The following ROBO2 variants were observed in gnomAD, a reference collection of about 807,000 sequenced individuals.
ROBO2 encodes the protein roundabout homolog 2.
ROBO2 carries 53 observed loss-of-function variants against 160.8 expected under a neutral mutation model. The observed-to-expected ratio is 0.33, with a 90% CI of 0.26 to 0.41. ROBO2 has a LOEUF of 0.41. Among genes scored for constraint, ROBO2 ranks in the 10% least tolerant of loss-of-function variants. The pLI is 1.00. For synonymous variants in ROBO2, 664 were observed against 611.7 expected (o/e 1.09, Z -1.26); for missense variants, 1,577 against 1,722.4 (o/e 0.92, Z 1.49).
chr3:76,250,649 G>A (rs139492374), intron 2 of ROBO2, among the ~76,000 whole-genome samples: 1,766 of 152,088 alleles, frequency 0.012, 33 homozygotes, highest in African/African-American at 0.04. Context: ...AATGAATGAC[G>A]TAGGAATGCT....
chr3:77,581,324 T>C (rs1459885756), intron 16 of ROBO2, among the ~76,000 whole-genome samples: 2 of 152,136 alleles, frequency 1.3e-5, no homozygotes, highest in African/African-American at 4.8e-5. Flanking sequence ...TACATTTTAA[T>C]GAAGTACAAT....
chr3:76,024,246 A>G (rs892099038), intron 2 of ROBO2, among the ~76,000 whole-genome samples: 1 of 151,552 alleles, frequency 6.6e-6, no homozygotes, highest in African/African-American at 2.4e-5. Context: ...TAAATCGATT[A>G]TACTTTAAAA....
chr3:75,987,294 T>C (rs1044917336), intron 2 of ROBO2, among the ~76,000 whole-genome samples: 12 of 152,012 alleles, frequency 7.9e-5, no homozygotes, highest in African/African-American at 2.9e-4. Flanking sequence ...TTTCATTCTT[T>C]TTGATGCTAT....
chr3:76,304,203 A>G (rs948580033), intron 2 of ROBO2, among the ~76,000 whole-genome samples: 1 of 152,220 alleles, frequency 6.6e-6, no homozygotes, highest in Non-Finnish European at 1.5e-5. Context: ...AAAACAAGCA[A>G]TGTTTCTCTT....
At chr3:77,262,262 A>G (rs1284800633) in intron 2 of ROBO2, among the ~76,000 whole-genome samples, 4 of 152,186 alleles carry the variant, frequency 2.6e-5, no homozygotes, top group Non-Finnish European at 5.9e-5. Flanking sequence ...TTGGAAACAC[A>G]TCAGAGGAGC....
intron 2 of ROBO2, among the ~76,000 whole-genome samples, chr3:76,847,840 G>A (rs2068920720): frequency 6.6e-6 from 1 of 151,970 alleles, no homozygotes; most frequent in South Asian, 2.1e-4. Flanking sequence ...TTCTTAGCAA[G>A]AATTGTAATT....
chr3:76,933,480 T>C (rs1270042869), intron 2 of ROBO2, among the ~76,000 whole-genome samples: 3 of 152,224 alleles, frequency 2.0e-5, no homozygotes, highest in African/African-American at 7.2e-5. Flanking sequence ...AGAGTCAAAA[T>C]TGAAAATGAC....
chr3:77,433,431 T>G (rs1357385376), intron 2 of ROBO2, among the ~76,000 whole-genome samples: 1 of 146,308 alleles, frequency 6.8e-6, no homozygotes, highest in Non-Finnish European at 1.5e-5. Flanking sequence ...TTAGGGACCA[T>G]GCAGGGTGCT....
intron 2 of ROBO2, among the ~76,000 whole-genome samples, chr3:76,612,921 C>T (rs2088251754): frequency 1.3e-5 from 2 of 151,914 alleles, no homozygotes; most frequent in South Asian, 2.1e-4. Context: ...GATTTCCATT[C>T]ATATGGAATA....
rs117466936 is a variant in ROBO2 at position 77,056,776 on chromosome 3, C to T, written c.61+15930C>T. Among the ~76,000 whole-genome samples, 110 of 151,964 alleles carry T rather than the reference C, an allele frequency of 7.2e-4. No individual in the cohort carries two copies. In the East Asian group the frequency reaches 9.9e-3, roughly 14 times the overall value. On this transcript the variant is annotated intron_variant, in intron 1 of 25. Coordinates refer to ENST00000461745, the Ensembl canonical transcript of ROBO2. ...TAAGGTGCTTGAATTGAGGCCATGT[C>T]GTAATCCAGGGAAGATGTTTTATAA...
chr3:76,129,768 T>C (rs2071153566), intron 2 of ROBO2, among the ~76,000 whole-genome samples: 2 of 152,160 alleles, frequency 1.3e-5, no homozygotes, highest in Middle Eastern at 3.4e-3. Context: ...CCCCACATGC[T>C]TGGAGTTTTT....
At chr3:76,006,193 T>C (rs2066015252) in intron 2 of ROBO2, among the ~76,000 whole-genome samples, 1 of 152,162 alleles carries the variant, frequency 6.6e-6, no homozygotes, top group Non-Finnish European at 1.5e-5. Flanking sequence ...TTGAATATTA[T>C]ACATTTCATT....
chr3:76,491,727 T>C (rs903769133), intron 2 of ROBO2, among the ~76,000 whole-genome samples: 1 of 152,222 alleles, frequency 6.6e-6, no homozygotes, highest in Non-Finnish European at 1.5e-5. Context: ...TTTCAGATTA[T>C]ATTTTTATTC....
chr3:76,874,212 A>T (rs1021725097), intron 2 of ROBO2, among the ~76,000 whole-genome samples: 2 of 83,582 alleles, frequency 2.4e-5, no homozygotes, highest in Non-Finnish European at 5.1e-5. Flanking sequence ...CAGACCAATA[A>T]AAAAAAAAAA....
chr3:77,214,200 T>C lies in ROBO2; in HGVS notation c.388+115860T>C, dbSNP rs189680783. Among the ~76,000 whole-genome samples the C allele has an allele frequency of 1.8e-4, 27 of 152,276 alleles. No homozygotes were observed. In the East Asian group the frequency reaches 2.5e-3, roughly 14 times the overall value. The stretch of plus-strand genomic sequence containing the variant: ...GGGGTGTTAAAGTCTCCCATTATTA[T>C]TGTGTGGGATTCTAAGTCTCTTTGT... On this transcript the variant is annotated intron_variant, in intron 2 of 25. Coordinates refer to ENST00000461745, the Ensembl canonical transcript of ROBO2.
intron 2 of ROBO2, among the ~76,000 whole-genome samples, chr3:76,968,931 A>T (rs757447793): frequency 3.3e-5 from 5 of 152,234 alleles, no homozygotes; most frequent in Admixed American, 6.5e-5. Flanking sequence ...ATTTAGTGAC[A>T]GCTGCATAAC....
chr3:76,330,716 C>T (rs977191080), intron 2 of ROBO2, among the ~76,000 whole-genome samples: 3 of 152,112 alleles, frequency 2.0e-5, no homozygotes, highest in East Asian at 1.9e-4. Context: ...TAGGTCTCAT[C>T]GATTTGTTGT....
chr3:77,279,616 T>C lies in ROBO2; in HGVS notation c.388+181276T>C, dbSNP rs144919767. On this transcript the variant is annotated intron_variant, in intron 2 of 25. Transcript: ENST00000461745. ...TTAGTTAAATGTTGAAAATTGTAAA[T>C]AAGGCATCATGAATACACATACTAA... Among the ~76,000 whole-genome samples the C allele has an allele frequency of 2.6e-3, 403 of 152,236 alleles. 5 individuals carry two copies. Among genetic ancestry groups the C allele is most frequent in the African/African-American group, 8.5e-3 (353 of 41,562 alleles).
intron 2 of ROBO2, among the ~76,000 whole-genome samples, chr3:76,183,820 G>T (rs942606793): frequency 6.6e-6 from 1 of 152,010 alleles, no homozygotes; most frequent in African/African-American, 2.4e-5. Context: ...AGTTCACACA[G>T]CTCTATTTAA....
Sources: allele counts gnomAD v4.1 joint callset (sites outside exome capture counted in the v4.1 genomes callset), GRCh38; gene constraint gnomAD v4.1.1; transcripts MANE v1.5; gene names NCBI Gene and HGNC (gene_info 2026-07-23, HGNC 2026-07-21).